Variants in IHO1 observed in about 807,000 individuals in gnomAD.
IHO1 encodes the protein interactor of HORMAD1 1, also known as interactor of HORMAD1 protein 1.
IHO1 carries 13 observed loss-of-function variants against 31.0 expected under a neutral mutation model. That is an observed-to-expected ratio of 0.42 (90% CI 0.27 to 0.67). The LOEUF (loss-of-function observed/expected upper bound fraction) is 0.67. IHO1 is among the 30% of genes least tolerant of loss of function. The probability of loss-of-function intolerance (pLI) is 0.24; values close to 1 mark genes in which losing one functional copy is unlikely to be tolerated. For synonymous variants in IHO1, 221 were observed against 248.4 expected (o/e 0.89, Z 1.04); for missense variants, 599 against 687.5 (o/e 0.87, Z 1.44).
At chr3:49,213,169 T>G (rs2046243939) in intron 2 of IHO1, among the ~76,000 whole-genome samples, 1 of 150,940 alleles carries the variant, frequency 6.6e-6, no homozygotes, top group South Asian at 2.1e-4. Context: ...ATTGTTGTAT[T>G]TACAATCCCT....
Position 49,256,925 on chromosome 3 carries a change from G to A in IHO1, c.1428G>A (p.Gln476=). The A allele has an allele frequency of 6.2e-7, 1 of 1,614,178 alleles. No homozygotes were observed. Among genetic ancestry groups the A allele is most frequent in the Non-Finnish European group, 8.5e-7 (1 of 1,180,028 alleles). The change falls in exon 8 of 8, where the codon CAG becomes CAA. Residue 476 remains glutamine (Q), a synonymous_variant. Transcript: ENST00000452691. The surrounding 1 kb of genome is among the most constrained non-coding windows in gnomAD (Gnocchi z 4.6). ...IQTCKFNSKY[Q]SPQPAISVPQ... is the part of the protein sequence containing the mutation. ...CCTGTAAATTCAATTCCAAATATCA[G>A]AGTCCTCAGCCTGCAATTTCTGTCC... is the stretch of plus-strand genomic sequence containing the variant.
intron 1 of IHO1, among the ~76,000 whole-genome samples, chr3:49,201,602 G>C (rs1447468133): frequency 6.6e-6 from 1 of 151,464 alleles, no homozygotes; most frequent in African/African-American, 2.4e-5. Context: ...CAGGCTGGTC[G>C]ACAAAGCGAG....
intron 2 of IHO1, among the ~76,000 whole-genome samples, chr3:49,226,663 A>G (rs559596191): frequency 1.3e-4 from 20 of 152,294 alleles, no homozygotes. Flanking sequence ...TCACTAAGAT[A>G]CCAGGTATCT....
At chr3:49,224,764 C>T (rs997755170) in intron 2 of IHO1, among the ~76,000 whole-genome samples, 6 of 152,180 alleles carry the variant, frequency 3.9e-5, no homozygotes, top group Non-Finnish European at 8.8e-5. Context: ...TCATCTTGAG[C>T]GGCATAAGTC....
At chr3:49,206,838 A>G (rs1051252244) in intron 1 of IHO1, among the ~76,000 whole-genome samples, 5 of 152,002 alleles carry the variant, frequency 3.3e-5, no homozygotes, top group African/African-American at 1.2e-4. Context: ...TTCAAGACCC[A>G]GAAGTTCAAG....
At chr3:49,207,179 T>C (rs2046149720) in intron 1 of IHO1, among the ~76,000 whole-genome samples, 1 of 151,978 alleles carries the variant, frequency 6.6e-6, no homozygotes, top group South Asian at 2.1e-4. Context: ...TATTACCTTG[T>C]TTCATGTTGA....
intron 3 of IHO1, 150 bp downstream of exon 3, chr3:49,236,872 A>G (rs2046565996): frequency 1.5e-6 from 1 of 669,826 alleles, no homozygotes; most frequent in East Asian, 2.9e-5. Flanking sequence ...CCTTGAGCCC[A>G]GGAGTTTGAG....
At chr3:49,236,308 G>A (rs1445540807) in intron 2 of IHO1, among the ~76,000 whole-genome samples, 1 of 152,196 alleles carries the variant, frequency 6.6e-6, no homozygotes, top group African/African-American at 2.4e-5. Context: ...GTTATACAAA[G>A]AATGATGATG....
At chr3:49,248,813 C>T (rs1425610454) in intron 6 of IHO1, among the ~76,000 whole-genome samples, 3 of 152,168 alleles carry the variant, frequency 2.0e-5, no homozygotes, top group African/African-American at 7.2e-5. Context: ...AAAATGAGCA[C>T]AAGTAGCCTA....
chr3:49,255,976 G>A (rs1308104829), intron 7 of IHO1, among the ~76,000 whole-genome samples, 158 bp from the exon 8 acceptor site: 1 of 152,026 alleles, frequency 6.6e-6, no homozygotes, highest in Non-Finnish European at 1.5e-5. Flanking sequence ...GGGCCCCAGG[G>A]GTTCAACTCC....
At chr3:49,200,644 T>A in intron 1 of IHO1, 1 of 829,424 alleles carries the variant, frequency 1.2e-6, no homozygotes, top group Non-Finnish European at 1.5e-6. Flanking sequence ...GGCCCTTCCC[T>A]TGTATATAGT....
chr3:49,257,455 G>A lies in IHO1; in HGVS notation c.*173G>A. On this transcript the variant is annotated 3_prime_UTR_variant, in exon 8 of 8. Transcript: ENST00000452691. ...AGGTCCAGCATTCTGGGTACCAGGT[G>A]CTGCCCCTGACAAGGATTAAGTGCA... The A allele has an allele frequency of 3.1e-6, 2 of 647,040 alleles. No individual in the cohort carries two copies. The highest frequency in any genetic ancestry group is 1.8e-5 in the African/African-American group (1 of 55,600). The allele number at this position is 647,040 out of a possible 1,614,324, so 40.1% of individuals were successfully genotyped here.
upstream of IHO1, among the ~76,000 whole-genome samples, chr3:49,197,447 TATG>T (rs2046006142): frequency 1.3e-5 from 2 of 152,162 alleles, no homozygotes; most frequent in African/African-American, 2.4e-5. Context: ...AGGCATGAGC[TATG>T]GTGTCCAGCC....
Position 49,256,203 on chromosome 3 carries a change from C to G in IHO1, c.706C>G (p.Gln236Glu). The G allele has an allele frequency of 6.2e-7, 1 of 1,614,124 alleles. No individual in the cohort carries two copies. The highest frequency in any genetic ancestry group is 1.1e-5 in the South Asian group (1 of 91,064). ...TGAAGTTTTAGTTGCTCAGCAGAGTCAGGAATTCCAGCAGCTGTGTGAGCA... is the reference window on the plus strand; with the variant it reads ...TGAAGTTTTAGTTGCTCAGCAGAGTGAGGAATTCCAGCAGCTGTGTGAGCA... ...HLEVLVAQQS[Q>E]EFQQLCEQLG... is the part of the protein sequence containing the mutation. Residue 236 changes from glutamine (Q) to glutamate (E), a missense_variant, in exon 8 of 8, where the codon CAG (glutamine) becomes GAG (glutamate). Transcript: ENST00000452691. The surrounding 1 kb of genome is among the most constrained non-coding windows in gnomAD (Gnocchi z 4.6).
At chr3:49,252,669 G>T (rs1009096433) in intron 6 of IHO1, among the ~76,000 whole-genome samples, 1 of 152,022 alleles carries the variant, frequency 6.6e-6, no homozygotes, top group Admixed American at 6.6e-5. Flanking sequence ...CAATCCTCCC[G>T]CCTCAGTGGC....
intron 2 of IHO1, among the ~76,000 whole-genome samples, chr3:49,225,900 A>G (rs1351081596): frequency 1.3e-5 from 2 of 151,314 alleles, no homozygotes; most frequent in Non-Finnish European, 2.9e-5. Context: ...GGGTGATGAC[A>G]TGAGCTGGCG....
At chr3:49,204,586 G>A (rs985880471) in intron 1 of IHO1, among the ~76,000 whole-genome samples, 3 of 152,204 alleles carry the variant, frequency 2.0e-5, no homozygotes, top group African/African-American at 7.2e-5. Context: ...ATGGAGGAAA[G>A]TAAGGCAGAT....
rs2107731147 is a variant in IHO1, at chr3:49,244,675, C to T, written c.474C>T (p.Asp158=). Residue 158 remains aspartate, a synonymous_variant, in exon 6 of 8, where the codon GAC becomes GAT. Coordinates refer to ENST00000452691, the MANE Select transcript of IHO1 (RefSeq NM_001135197.2). The part of the protein sequence containing the change: ...RLQTSVEKSE[D]HLSSRSQSIL... ...AGACGTCTGTGGAAAAGTCTGAGGACCATCTCAGTTCAAGAAGCCAATCTA... is the reference window on the plus strand; with the variant it reads ...AGACGTCTGTGGAAAAGTCTGAGGATCATCTCAGTTCAAGAAGCCAATCTA... 2 of 1,614,094 alleles carry T rather than the reference C, an allele frequency of 1.2e-6. No individual in the cohort carries two copies. Among genetic ancestry groups the T allele is most frequent in the Admixed American group, 1.7e-5 (1 of 60,010 alleles).
chr3:49,241,169 G>C lies in IHO1; in HGVS notation c.232-57G>C, dbSNP rs2107725968. The C allele has an allele frequency of 9.2e-6, 13 of 1,411,838 alleles. No individual in the cohort carries two copies. In the South Asian group the frequency reaches 1.8e-4, roughly 20 times the overall value. 87.5% of individuals were successfully genotyped at this position (1,411,838 alleles called of 1,614,324 possible). A position where few individuals can be genotyped will look rare whatever the true frequency, so the allele number is the denominator to read the frequency against. ...GTGACTCTGCATTGTACAGAAAATA[G>C]TGAATGCTATAAATATTTTTATGTG... On this transcript the variant is annotated intron_variant, in intron 3 of 7. Coordinates refer to ENST00000452691, the MANE Select transcript of IHO1 (RefSeq NM_001135197.2).
Sources: allele counts gnomAD v4.1 joint callset (sites outside exome capture counted in the v4.1 genomes callset), GRCh38; gene constraint gnomAD v4.1.1; non-coding constraint Gnocchi (gnomAD v3.1); transcripts MANE v1.5; gene names NCBI Gene and HGNC (gene_info 2026-07-23, HGNC 2026-07-21).